Variants in SOX4 observed in about 807,000 individuals in gnomAD.
SOX4 encodes transcription factor SOX-4.
For missense variants in SOX4, 662 were observed against 694.9 expected (o/e 0.95, Z 0.53); for synonymous variants, 465 against 348.4 (o/e 1.33, Z -3.73).
Position 21,595,438 on chromosome 6 carries a change from C to T in SOX4, c.904C>T (p.Leu302=), listed in dbSNP as rs753991871. ...KVKRVYLFGG[L]GTSSSPVGGV... ...GAAGCGCGTCTACCTGTTCGGCGGC[C>T]TGGGCACGTCGTCGTCGCCCGTGGG... is the stretch of plus-strand genomic sequence containing the variant. The change falls in exon 1 of 1, where the codon CTG becomes TTG. Residue 302 remains leucine (L), a synonymous_variant. Coordinates refer to ENST00000244745, the MANE Select transcript of SOX4 (RefSeq NM_003107.3). 2.0e-5 allele frequency: 30 copies of T among 1,514,718 alleles called. No homozygotes were observed. The Admixed American group carries it at 4.5e-4, about 23-fold the overall frequency. The allele number at this position is 1,514,718 out of a possible 1,614,324, so 93.8% of individuals were successfully genotyped here.
At position 21,595,350 on chromosome 6, in the gene SOX4, C is replaced by T. The variant is rs1431314563; in HGVS notation, c.816C>T (p.Ser272=). 2.0e-6 allele frequency: 3 copies of T among 1,516,328 alleles called. No individual in the cohort carries two copies. Among genetic ancestry groups the T allele is most frequent in the Non-Finnish European group, 2.6e-6 (3 of 1,140,702 alleles). 93.9% of individuals were successfully genotyped at this position (1,516,328 alleles called of 1,614,324 possible). The change falls in exon 1 of 1, where the codon TCC becomes TCT. Residue 272 remains serine, a synonymous_variant. Coordinates refer to ENST00000244745, the MANE Select transcript of SOX4 (RefSeq NM_003107.3). ...ARTPSASASA[S]SAASASAALA... is the part of the protein sequence containing the mutation. ...CTCCCAGCGCCTCGGCCTCCGCCTCCTCGGCAGCCTCGGCCTCCGCAGCGC... is the reference window on the plus strand; with the variant it reads ...CTCCCAGCGCCTCGGCCTCCGCCTCTTCGGCAGCCTCGGCCTCCGCAGCGC...
rs1763083834 is a variant in SOX4, at chr6:21,594,182, T to C, written c.-353T>C. ...CCGCGAGAAACTTGCATTGGAAGCT[T>C]CAGCAACCAGCATTCGAGAAACTCC... On this transcript the variant is annotated 5_prime_UTR_variant, in exon 1 of 1. Transcript: ENST00000244745. The C allele has an allele frequency of 4.5e-6, 1 of 220,082 alleles. No individual in the cohort carries two copies. The highest frequency in any genetic ancestry group is 1.8e-4 in the South Asian group (1 of 5,476). The allele number at this position is 220,082 out of a possible 1,614,324, so 13.6% of individuals were successfully genotyped here. A position where few individuals can be genotyped will look rare whatever the true frequency, so the allele number is the denominator to read the frequency against.
chr6:21,597,109 C>T lies in SOX4; in HGVS notation c.*1150C>T, dbSNP rs1236402005. The T allele has an allele frequency of 6.0e-6, 1 of 166,246 alleles. No individual in the cohort carries two copies. The highest frequency in any genetic ancestry group is 1.5e-5 in the Non-Finnish European group (1 of 68,078). 10.3% of individuals were successfully genotyped at this position (166,246 alleles called of 1,614,324 possible). On this transcript the variant is annotated 3_prime_UTR_variant, in exon 1 of 1. Coordinates refer to ENST00000244745, the MANE Select transcript of SOX4 (RefSeq NM_003107.3). The stretch of plus-strand genomic sequence containing the variant: ...ATCTTTTAAAGATTTCTGTATAAGA[C>T]TGTTGAGCAGTTTTTAAAATAGTGT...
At position 21,595,668 on chromosome 6, in the gene SOX4, G is replaced by GTCCTCCTCGGCCTCGTCCCAC. The variant is rs1270961128; in HGVS notation, c.1143_1163dup (p.Ala382_Ser388dup). 1.3e-6 allele frequency: 2 copies of GTCCTCCTCGGCCTCGTCCCAC among 1,544,194 alleles called. No individual in the cohort carries two copies. The highest frequency in any genetic ancestry group is 1.7e-6 in the Non-Finnish European group (2 of 1,146,012). Reference sequence around the variant, plus strand: ...CCCCGTCCAGCGCGCCCTCGCACGCGTCCTCCTCGGCCTCGTCCCACTCCT... The same window carrying GTCCTCCTCGGCCTCGTCCCAC: ...CCCCGTCCAGCGCGCCCTCGCACGCGTCCTCCTCGGCCTCGTCCCACTCCTCCTCGGCCTCGTCCCACTCCT... On this transcript the variant is annotated inframe_insertion, in exon 1 of 1. Coordinates refer to ENST00000244745, the MANE Select transcript of SOX4 (RefSeq NM_003107.3).
rs1763092659 is a variant in SOX4 at position 21,594,489 on chromosome 6, C to T, written c.-46C>T. On this transcript the variant is annotated 5_prime_UTR_variant, in exon 1 of 1. Coordinates refer to ENST00000244745, the MANE Select transcript of SOX4 (RefSeq NM_003107.3). The stretch of plus-strand genomic sequence containing the variant: ...GAGGGCCCGGCGATCGCGCGGCGGC[C>T]GCCGCGAGGGTGTGAGCGCGCGTGG... The T allele has an allele frequency of 1.5e-6, 2 of 1,363,350 alleles. No homozygotes were observed. The highest frequency in any genetic ancestry group is 1.9e-6 in the Non-Finnish European group (2 of 1,066,064). 84.5% of individuals were successfully genotyped at this position (1,363,350 alleles called of 1,614,324 possible).
rs776604025 is a variant in SOX4 at position 21,596,802 on chromosome 6, G to A, written c.*843G>A. 1 of 166,902 alleles carries A rather than the reference G, an allele frequency of 6.0e-6. No homozygotes were observed. The highest frequency in any genetic ancestry group is 1.5e-5 in the Non-Finnish European group (1 of 68,150). The allele number at this position is 166,902 out of a possible 1,614,324, so 10.3% of individuals were successfully genotyped here. A position where few individuals can be genotyped will look rare whatever the true frequency, so the allele number is the denominator to read the frequency against. On this transcript the variant is annotated 3_prime_UTR_variant, in exon 1 of 1. Transcript: ENST00000244745. ...GGGGGTTCACGGTCAAACTGAAATG[G>A]ATTTGCACGTTGGGGAGCTGGCGGC... is the stretch of plus-strand genomic sequence containing the variant.
In SOX4 at chr6:21,594,759, C is replaced by G. The variant is rs1007735467; in HGVS notation, c.225C>G (p.Arg75=). 5 of 1,599,810 alleles carry G rather than the reference C, an allele frequency of 3.1e-6. No homozygotes were observed. The East Asian group carries it at 1.1e-4, about 36-fold the overall frequency. Residue 75 remains arginine, a synonymous_variant, in exon 1 of 1, where the codon CGC becomes CGG. Coordinates refer to ENST00000244745, the MANE Select transcript of SOX4 (RefSeq NM_003107.3). ...TGGTGTGGTCGCAGATCGAGCGGCGCAAGATCATGGAGCAGTCGCCCGACA... is the reference window on the plus strand; with the variant it reads ...TGGTGTGGTCGCAGATCGAGCGGCGGAAGATCATGGAGCAGTCGCCCGACA... ...AFMVWSQIER[R]KIMEQSPDMH... is the part of the protein sequence containing the mutation.
Position 21,597,601 on chromosome 6 carries a change from C to A in SOX4, c.*1642C>A, listed in dbSNP as rs1352605629. ...CTTCACTGAAGGGCTAGAGTTTTAA[C>A]TTTTAATTTTTTATATTTAAATGTA... On this transcript the variant is annotated 3_prime_UTR_variant, in exon 1 of 1. Transcript: ENST00000244745. 2 of 124,252 alleles carry A rather than the reference C, an allele frequency of 1.6e-5. No individual in the cohort carries two copies. Among genetic ancestry groups the A allele is most frequent in the African/African-American group, 3.6e-5 (1 of 28,040 alleles). 7.7% of individuals were successfully genotyped at this position (124,252 alleles called of 1,614,324 possible).
At position 21,595,449 on chromosome 6, in the gene SOX4, G is replaced by A. The variant is rs1763119541; in HGVS notation, c.915G>A (p.Ser305=). The part of the protein sequence containing the change: ...RVYLFGGLGT[S]SSPVGGVGAG... ...ACCTGTTCGGCGGCCTGGGCACGTC[G>A]TCGTCGCCCGTGGGCGGCGTGGGCG... is the stretch of plus-strand genomic sequence containing the variant. Residue 305 remains serine, a synonymous_variant, in exon 1 of 1, where the codon TCG becomes TCA. Transcript: ENST00000244745. 4.0e-6 allele frequency: 6 copies of A among 1,497,460 alleles called. No individual in the cohort carries two copies. Among genetic ancestry groups the A allele is most frequent in the Non-Finnish European group, 5.3e-6 (6 of 1,129,482 alleles). 92.8% of individuals were successfully genotyped at this position (1,497,460 alleles called of 1,614,324 possible). A position where few individuals can be genotyped will look rare whatever the true frequency, so the allele number is the denominator to read the frequency against.
rs1274871341 is a variant in SOX4, at chr6:21,596,980, AG to A, written c.*1022del. ...GTTTCGGAAAAAAAAAAAGAAAAAA[AG>A]AAAAAAAAAGAAAAAAAAAAGATTT... On this transcript the variant is annotated 3_prime_UTR_variant, in exon 1 of 1. Coordinates refer to ENST00000244745, the MANE Select transcript of SOX4 (RefSeq NM_003107.3). 6.1e-6 allele frequency: 1 copy of A among 163,540 alleles called. No homozygotes were observed. Among genetic ancestry groups the A allele is most frequent in the Admixed American group, 6.7e-5 (1 of 14,836 alleles). 10.1% of individuals were successfully genotyped at this position (163,540 alleles called of 1,614,324 possible). A position where few individuals can be genotyped will look rare whatever the true frequency, so the allele number is the denominator to read the frequency against.
At position 21,595,340 on chromosome 6, in the gene SOX4, C is replaced by T. The variant is rs745491568; in HGVS notation, c.806C>T (p.Ala269Val). 3.6e-4 allele frequency: 536 copies of T among 1,507,026 alleles called. No homozygotes were observed. The highest frequency in any genetic ancestry group is 2.5e-3 in the East Asian group (91 of 35,860). The allele number at this position is 1,507,026 out of a possible 1,614,324, so 93.4% of individuals were successfully genotyped here. The change falls in exon 1 of 1, where the codon GCC becomes GTC. Residue 269 changes from alanine to valine, a missense_variant. Coordinates refer to ENST00000244745, the MANE Select transcript of SOX4 (RefSeq NM_003107.3). ...AAGGCGCGGACTCCCAGCGCCTCGGCCTCCGCCTCCTCGGCAGCCTCGGCC... is the reference window on the plus strand; with the variant it reads ...AAGGCGCGGACTCCCAGCGCCTCGGTCTCCGCCTCCTCGGCAGCCTCGGCC... ...LYKARTPSAS[A>V]SASSAASASA...
Position 21,597,592 on chromosome 6 carries a change from G to GACT in SOX4, c.*1634_*1635insCTA, listed in dbSNP as rs1763200463. ...TTACGTCTCCTTCACTGAAGGGCTA[G>GACT]AGTTTTAACTTTTAATTTTTTATAT... On this transcript the variant is annotated 3_prime_UTR_variant, in exon 1 of 1. Coordinates refer to ENST00000244745, the MANE Select transcript of SOX4 (RefSeq NM_003107.3). 1.4e-5 allele frequency: 2 copies of GACT among 142,448 alleles called. No individual in the cohort carries two copies. The highest frequency in any genetic ancestry group is 1.8e-4 in the Admixed American group (2 of 11,352). 8.8% of individuals were successfully genotyped at this position (142,448 alleles called of 1,614,324 possible).
rs1763158096 is a variant in SOX4 at position 21,596,334 on chromosome 6, C to G, written c.*375C>G. 5.6e-6 allele frequency: 1 copy of G among 179,272 alleles called. No individual in the cohort carries two copies. Among genetic ancestry groups the G allele is most frequent in the Admixed American group, 6.4e-5 (1 of 15,584 alleles). The allele number at this position is 179,272 out of a possible 1,614,324, so 11.1% of individuals were successfully genotyped here. Reference sequence around the variant, plus strand: ...TGAAGAGACCCCCTCCCCCTTCCAACGAGCTTCCGGACTTGTCTGCACCCC... The same window carrying G: ...TGAAGAGACCCCCTCCCCCTTCCAAGGAGCTTCCGGACTTGTCTGCACCCC... On this transcript the variant is annotated 3_prime_UTR_variant, in exon 1 of 1. Transcript: ENST00000244745.
chr6:21,596,121 A>T lies in SOX4; in HGVS notation c.*162A>T, dbSNP rs958026636. 16 of 1,230,568 alleles carry T rather than the reference A, an allele frequency of 1.3e-5. No homozygotes were observed. The highest frequency in any genetic ancestry group is 1.2e-4 in the African/African-American group (6 of 48,742). 76.2% of individuals were successfully genotyped at this position (1,230,568 alleles called of 1,614,324 possible). On this transcript the variant is annotated 3_prime_UTR_variant, in exon 1 of 1. Coordinates refer to ENST00000244745, the MANE Select transcript of SOX4 (RefSeq NM_003107.3). Reference sequence around the variant, plus strand: ...TCGCCCGCGTTCTCGTCGTCGGATCAAGGAGCGCGGCGGCGTTTTGGACCC... The same window carrying T: ...TCGCCCGCGTTCTCGTCGTCGGATCTAGGAGCGCGGCGGCGTTTTGGACCC...
chr6:21,596,176 G>T lies in SOX4; in HGVS notation c.*217G>T. Reference sequence around the variant, plus strand: ...TCCCATCCCCCACCTTCCCGGGCCGGGGACCCACTCTGCCCAGCCGGAGGG... The same window carrying T: ...TCCCATCCCCCACCTTCCCGGGCCGTGGACCCACTCTGCCCAGCCGGAGGG... On this transcript the variant is annotated 3_prime_UTR_variant, in exon 1 of 1. Coordinates refer to ENST00000244745, the MANE Select transcript of SOX4 (RefSeq NM_003107.3). The T allele has an allele frequency of 1.5e-6, 1 of 687,244 alleles. No homozygotes were observed. The allele number at this position is 687,244 out of a possible 1,614,324, so 42.6% of individuals were successfully genotyped here.
Position 21,594,344 on chromosome 6 carries a change from C to T in SOX4, c.-191C>T, listed in dbSNP as rs1725310924. ...TCTGCGAGAGGCGGAGAACTCCTTC[C>T]CCAAATCTTTTGGGGACTTTTCTCT... On this transcript the variant is annotated 5_prime_UTR_variant, in exon 1 of 1. Transcript: ENST00000244745. 1 of 589,584 alleles carries T rather than the reference C, an allele frequency of 1.7e-6. No individual in the cohort carries two copies. Among genetic ancestry groups the T allele is most frequent in the Admixed American group, 4.4e-5 (1 of 22,486 alleles). The allele number at this position is 589,584 out of a possible 1,614,324, so 36.5% of individuals were successfully genotyped here. A position where few individuals can be genotyped will look rare whatever the true frequency, so the allele number is the denominator to read the frequency against.
Position 21,595,412 on chromosome 6 carries a change from T to G in SOX4, c.878T>G (p.Val293Gly). 1 of 1,534,522 alleles carries G rather than the reference T, an allele frequency of 6.5e-7. No individual in the cohort carries two copies. The highest frequency in any genetic ancestry group is 8.7e-7 in the Non-Finnish European group (1 of 1,149,094). Reference sequence around the variant, plus strand: ...GGCAAGCACCTGGCGGAGAAGAAGGTGAAGCGCGTCTACCTGTTCGGCGGC... The same window carrying G: ...GGCAAGCACCTGGCGGAGAAGAAGGGGAAGCGCGTCTACCTGTTCGGCGGC... Reference protein sequence around the residue: ...APGKHLAEKKVKRVYLFGGLG... With the variant: ...APGKHLAEKKGKRVYLFGGLG... The change falls in exon 1 of 1, where the codon GTG (valine) becomes GGG (glycine). Residue 293 changes from valine to glycine, a missense_variant. Physicochemically the swap from Val to Gly is moderately radical, Grantham distance 109 (BLOSUM62 -3). Coordinates refer to ENST00000244745, the MANE Select transcript of SOX4 (RefSeq NM_003107.3).
In SOX4 at chr6:21,595,394, A is replaced by T. The variant is rs1368612881; in HGVS notation, c.860A>T (p.His287Leu). Residue 287 changes from histidine (H) to leucine (L), a missense_variant, in exon 1 of 1, where the codon CAC becomes CTC. By Grantham distance (99) the His-to-Leu change is moderately conservative. Transcript: ENST00000244745. ...GCAGCGCTCGCGGCCCCGGGCAAGC[A>T]CCTGGCGGAGAAGAAGGTGAAGCGC... The part of the protein sequence containing the change: ...ASAALAAPGK[H>L]LAEKKVKRVY... 8 of 1,537,404 alleles carry T rather than the reference A, an allele frequency of 5.2e-6. No individual in the cohort carries two copies. Among genetic ancestry groups the T allele is most frequent in the Non-Finnish European group, 6.1e-6 (7 of 1,151,222 alleles).
Position 21,595,827 on chromosome 6 carries a change from C to G in SOX4, c.1293C>G (p.Asp431Glu). 1 of 1,613,300 alleles carries G rather than the reference C, an allele frequency of 6.2e-7. No individual in the cohort carries two copies. The highest frequency in any genetic ancestry group is 8.5e-7 in the Non-Finnish European group (1 of 1,179,926). The change falls in exon 1 of 1, where the codon GAC becomes GAG. Residue 431 changes from aspartate to glutamate, a missense_variant. Transcript: ENST00000244745. ...GTTCGTCGTCGGCGCTCGACCGGGACCTGGATTTTAACTTCGAGCCCGGCT... is the reference window on the plus strand; with the variant it reads ...GTTCGTCGTCGGCGCTCGACCGGGAGCTGGATTTTAACTTCGAGCCCGGCT... Reference protein sequence around the residue: ...SFSSSSALDRDLDFNFEPGSG... With the variant: ...SFSSSSALDRELDFNFEPGSG...
Sources: gnomAD v4.1 joint callset for allele counts on GRCh38, gnomAD v4.1.1 for gene constraint, MANE v1.5 for transcripts, NCBI Gene and HGNC (gene_info 2026-07-23, HGNC 2026-07-21) for gene names.